Variants in PPP1R36 observed in about 807,000 individuals in gnomAD.
PPP1R36 encodes the protein chromosome 14 open reading frame 50.
PPP1R36 carries 47 observed loss-of-function variants against 53.4 expected under a neutral mutation model. The ratio of observed to expected loss-of-function variants is 0.88; its 90% CI spans 0.70 to 1.12. The LOEUF (loss-of-function observed/expected upper bound fraction) is 1.12, where lower values mean the gene tolerates loss of function less well. Ranked by LOEUF, PPP1R36 falls within the 50% of genes most tolerant of loss-of-function variation. PPP1R36 has a pLI of 0.00. For synonymous variants in PPP1R36, 153 were observed against 170.5 expected (o/e 0.90, Z 0.80); for missense variants, 456 against 513.9 (o/e 0.89, Z 1.09).
At chr14:64,569,189 C>T (rs2080283890) in intron 7 of PPP1R36, among the ~76,000 whole-genome samples, 1 of 152,186 alleles carries the variant, frequency 6.6e-6, no homozygotes, top group Non-Finnish European at 1.5e-5. Flanking sequence ...AATCTGGGAA[C>T]TCAGAATACA....
At chr14:64,572,467 C>G (rs1007410184) in intron 7 of PPP1R36, among the ~76,000 whole-genome samples, 10 of 152,144 alleles carry the variant, frequency 6.6e-5, no homozygotes, top group African/African-American at 2.4e-4. Flanking sequence ...CCACCTCTGC[C>G]TGGAGTTTTG....
At chr14:64,583,062 T>A (rs2080401343) in intron 8 of PPP1R36, among the ~76,000 whole-genome samples, 2 of 136,538 alleles carry the variant, frequency 1.5e-5, no homozygotes, top group East Asian at 2.1e-4. Context: ...CAGCTATATA[T>A]ATATATATAT....
chr14:64,562,635 A>C (rs2080214001), intron 3 of PPP1R36, among the ~76,000 whole-genome samples: 3 of 152,044 alleles, frequency 2.0e-5, no homozygotes, highest in Non-Finnish European at 4.4e-5. Context: ...TGTGAAGTAG[A>C]GAAGGTGTGT....
At chr14:64,579,559 C>T (rs1265283853) in intron 8 of PPP1R36, among the ~76,000 whole-genome samples, 3 of 152,316 alleles carry the variant, frequency 2.0e-5, no homozygotes, top group South Asian at 4.1e-4. Flanking sequence ...GATAAAATTA[C>T]AGTCATCTTT....
At position 64,549,978 on chromosome 14, in the gene PPP1R36, A is replaced by G. The variant is rs745382285; in HGVS notation, c.-20A>G. ...CGGGCGGTATCCTCGGCGACGCCGT[A>G]TGGCTTCCAGGGCGAGGCCATGTAC... On this transcript the variant is annotated 5_prime_UTR_variant, in exon 1 of 12. It removes an upstream start codon present in the reference 5' UTR. Coordinates refer to ENST00000298705, the MANE Select transcript of PPP1R36 (RefSeq NM_172365.3). 2.6e-6 allele frequency: 4 copies of G among 1,556,944 alleles called. No individual in the cohort carries two copies. In the East Asian group the frequency reaches 9.7e-5, roughly 38 times the overall value.
chr14:64,568,527 G>T lies in PPP1R36; in HGVS notation c.533+80G>T, dbSNP rs924762282. 13 of 621,516 alleles carry T rather than the reference G, an allele frequency of 2.1e-5. No individual in the cohort carries two copies. The African/African-American group carries it at 2.3e-4, about 11-fold the overall frequency. The allele number at this position is 621,516 out of a possible 1,614,324, so 38.5% of individuals were successfully genotyped here. On this transcript the variant is annotated intron_variant, in intron 7 of 11. Coordinates refer to ENST00000298705, the MANE Select transcript of PPP1R36 (RefSeq NM_172365.3). ...TAACTTTTGTCTAGGATAAAGAGAT[G>T]ATGGAAATTTTTAAATCTTTGAGAT...
chr14:64,550,634 A>G (rs903839571), intron 1 of PPP1R36, among the ~76,000 whole-genome samples: 27 of 151,544 alleles, frequency 1.8e-4, no homozygotes, highest in Admixed American at 1.7e-3. Context: ...CTCTTTTCCT[A>G]CTTTCCTCCC....
chr14:64,588,351 C>A, intron 11 of PPP1R36, 56 bp downstream of exon 11: 1 of 1,495,132 alleles, frequency 6.7e-7, no homozygotes, highest in Non-Finnish European at 9.1e-7. Flanking sequence ...CCAGGTGGGG[C>A]TGGAAGGGGC....
Position 64,574,534 on chromosome 14 carries a change from T to C in PPP1R36, c.613T>C (p.Cys205Arg). The C allele has an allele frequency of 1.2e-6, 2 of 1,614,026 alleles. No individual in the cohort carries two copies. The highest frequency in any genetic ancestry group is 1.7e-6 in the Non-Finnish European group (2 of 1,179,902). The change falls in exon 8 of 12, where the codon TGT becomes CGT. Residue 205 changes from cysteine (C) to arginine (R), a missense_variant. By Grantham distance (180) the Cys-to-Arg change is radical. Coordinates refer to ENST00000298705, the MANE Select transcript of PPP1R36 (RefSeq NM_172365.3). ...ACAGAGGTACTTGGCGCAGAAGTAC[T>C]GTATCCTTGTGCTGGGCTTGGCCGT... ...AAQRYLAQKYCILVLGLAVPD... is the reference protein window; with the variant it reads ...AAQRYLAQKYRILVLGLAVPD...
At chr14:64,564,048 G>T (rs1211657622) in intron 3 of PPP1R36, among the ~76,000 whole-genome samples, 1 of 152,198 alleles carries the variant, frequency 6.6e-6, no homozygotes, top group Non-Finnish European at 1.5e-5. Flanking sequence ...GTATAGATTT[G>T]TTTGTTGTTT....
intron 7 of PPP1R36, 132 bp from the exon 8 acceptor site, chr14:64,574,323 C>A: frequency 1.1e-6 from 1 of 892,506 alleles, no homozygotes; most frequent in Non-Finnish European, 1.7e-6. Context: ...CCACTGCACT[C>A]CAGCCTAGGT....
Position 64,554,142 on chromosome 14 carries a change from G to GTT in PPP1R36, c.182+1306_182+1307dup, listed in dbSNP as rs367753961. ...AGTCTGAGCAAATCCCATCACAATT[G>GTT]TTTTTTTTTTTTTTTTTTTTTTTTT... On this transcript the variant is annotated intron_variant, in intron 3 of 11. Transcript: ENST00000298705. 8.2e-3 allele frequency among the ~76,000 whole-genome samples: 536 copies of GTT among 65,288 alleles called. 83 individuals are homozygous for GTT. Among genetic ancestry groups the GTT allele is most frequent in the Non-Finnish European group, 0.012 (393 of 32,336 alleles). 42.8% of individuals were successfully genotyped at this position (65,288 alleles called of 152,430 possible). A position where few individuals can be genotyped will look rare whatever the true frequency, so the allele number is the denominator to read the frequency against.
chr14:64,552,664 T>C, intron 2 of PPP1R36, 150 bp from the exon 3 acceptor site: 1 of 609,044 alleles, frequency 1.6e-6, no homozygotes. Flanking sequence ...ATAAATATAA[T>C]GACATGTTTC....
chr14:64,577,421 A>T (rs1012271204), intron 8 of PPP1R36, among the ~76,000 whole-genome samples: 1 of 152,180 alleles, frequency 6.6e-6, no homozygotes, highest in African/African-American at 2.4e-5. Flanking sequence ...TCTGACTGAC[A>T]GCGTCAGCTT....
At position 64,556,762 on chromosome 14, in the gene PPP1R36, A is replaced by ATGTTTG. The variant is rs1555351247; in HGVS notation, c.182+3904_182+3905insTTGTGT. On this transcript the variant is annotated intron_variant, in intron 3 of 11. Transcript: ENST00000298705. ...TAGAGTGAGACCCAATCTCCAAAAA[A>ATGTTTG]TGTGTGTGTGTGTGTGTGTGTGTGT... Among the ~76,000 whole-genome samples, 146 of 134,062 alleles carry ATGTTTG rather than the reference A, an allele frequency of 1.1e-3. 1 individual carries two copies. The highest frequency in any genetic ancestry group is 3.3e-3 in the African/African-American group (120 of 35,940). 87.9% of individuals were successfully genotyped at this position (134,062 alleles called of 152,430 possible).
chr14:64,564,660 A>G, intron 3 of PPP1R36, 91 bp from the exon 4 acceptor site: 1 of 800,424 alleles, frequency 1.2e-6, no homozygotes, highest in Non-Finnish European at 2.1e-6. Flanking sequence ...CTGATAATAT[A>G]TGCTAGTCCA....
chr14:64,562,227 G>A (rs1465175274), intron 3 of PPP1R36, among the ~76,000 whole-genome samples: 3 of 152,230 alleles, frequency 2.0e-5, no homozygotes, highest in Non-Finnish European at 2.9e-5. Flanking sequence ...TTGGGAGGCC[G>A]AGGTGGATGG....
At chr14:64,588,555 ATTTTT>A (rs34440209) in intron 11 of PPP1R36, 54 of 149,762 alleles carry the variant, frequency 3.6e-4, no homozygotes, top group East Asian at 9.4e-4. Flanking sequence ...TGAGTAACTG[ATTTTT>A]TTTTTTTTTT....
chr14:64,571,852 C>A (rs975492147), intron 7 of PPP1R36, among the ~76,000 whole-genome samples: 2 of 152,092 alleles, frequency 1.3e-5, no homozygotes, highest in Admixed American at 1.3e-4. Context: ...TGGTGGCAGG[C>A]AAGAAAGCAT....
Sources: allele counts gnomAD v4.1 joint callset (sites outside exome capture counted in the v4.1 genomes callset), GRCh38; gene constraint gnomAD v4.1.1; transcripts MANE v1.5; gene names NCBI Gene and HGNC (gene_info 2026-07-23, HGNC 2026-07-21).